Variants in WDR7 observed in about 807,000 individuals in gnomAD.
The protein encoded by WDR7 is WD repeat domain 7, also known as WD repeat-containing protein 7.
Under a neutral mutation model 169.4 loss-of-function variants are expected in WDR7, and 46 were observed. That is an observed-to-expected ratio of 0.27 (90% CI 0.21 to 0.35). The LOEUF is 0.35. WDR7 is among the 10% of genes least tolerant of loss of function. The pLI, the probability that WDR7 is intolerant of heterozygous loss-of-function variation, is 1.00. For synonymous variants in WDR7, 612 were observed against 666.8 expected, an observed-to-expected ratio of 0.92 and a Z score of 1.27; for missense variants, 1,534 against 1,859.3, an observed-to-expected ratio of 0.83 and a Z score of 3.22.
chr18:56,967,557 T>C (rs185864743), intron 26 of WDR7, among the ~76,000 whole-genome samples: 58 of 152,046 alleles, frequency 3.8e-4, no homozygotes, highest in African/African-American at 1.3e-3. Context: ...CCTCTATCAA[T>C]ATTTGCCTTT....
chr18:56,862,226 G>T (rs978132291), intron 20 of WDR7, among the ~76,000 whole-genome samples: 8 of 151,734 alleles, frequency 5.3e-5, no homozygotes, highest in Non-Finnish European at 1.2e-4. Flanking sequence ...TTAATGTGAA[G>T]ATTTTGATCT....
chr18:56,813,351 G>C (rs1484742747), intron 19 of WDR7, among the ~76,000 whole-genome samples: 1 of 152,060 alleles, frequency 6.6e-6, no homozygotes, highest in Non-Finnish European at 1.5e-5. Context: ...CCATATTCCT[G>C]ATCATAGGGC....
In WDR7 at chr18:57,027,431, A is replaced by G. The variant is rs997679152; in HGVS notation, c.*224A>G. The G allele has an allele frequency of 3.2e-5, 18 of 559,970 alleles. No individual in the cohort carries two copies. The highest frequency in any genetic ancestry group is 5.6e-5 in the Non-Finnish European group (18 of 324,244). 34.7% of individuals were successfully genotyped at this position (559,970 alleles called of 1,614,324 possible). A position where few individuals can be genotyped will look rare whatever the true frequency, so the allele number is the denominator to read the frequency against. ...CACACATGCTCTGCAGGATGTGGCCATCCTGTCACCAGGTAGTTTTTCCCT... is the reference window on the plus strand; with the variant it reads ...CACACATGCTCTGCAGGATGTGGCCGTCCTGTCACCAGGTAGTTTTTCCCT... On this transcript the variant is annotated 3_prime_UTR_variant, in exon 28 of 28. Transcript: ENST00000254442.
chr18:56,693,818 C>T (rs191205552), intron 9 of WDR7, among the ~76,000 whole-genome samples: 9 of 151,934 alleles, frequency 5.9e-5, no homozygotes, highest in East Asian at 1.9e-4. Context: ...GTGATCTGCC[C>T]GCTGCAGCCT....
chr18:56,692,938 C>T (rs376610516), intron 9 of WDR7, among the ~76,000 whole-genome samples: 5 of 152,074 alleles, frequency 3.3e-5, no homozygotes, highest in African/African-American at 4.8e-5. Context: ...TGGTGGTACA[C>T]GCCTGTAGTC....
At chr18:56,850,116 C>T (rs573252909) in intron 20 of WDR7, among the ~76,000 whole-genome samples, 1 of 152,336 alleles carries the variant, frequency 6.6e-6, no homozygotes, top group South Asian at 2.1e-4. Context: ...ATGATTGAGT[C>T]TGAGCTCAGG....
intron 14 of WDR7, among the ~76,000 whole-genome samples, chr18:56,749,619 A>T (rs1218588194): frequency 6.6e-6 from 1 of 152,088 alleles, no homozygotes; most frequent in African/African-American, 2.4e-5. Context: ...GATTGGACTC[A>T]GTGCTCATTC....
At chr18:56,731,232 T>A in intron 13 of WDR7, 151 bp from the exon 14 acceptor site, 1 of 731,868 alleles carries the variant, frequency 1.4e-6, no homozygotes, top group Non-Finnish European at 2.2e-6. Context: ...CATGGAAGAT[T>A]GTTAGAGGAA....
intron 26 of WDR7, among the ~76,000 whole-genome samples, chr18:56,988,682 T>G (rs1024790716): frequency 2.0e-5 from 3 of 147,120 alleles, no homozygotes; most frequent in South Asian, 2.3e-4. Flanking sequence ...CCTACTCCAA[T>G]AAAAAAAATT....
chr18:56,879,979 T>A lies in WDR7; in HGVS notation c.3340T>A (p.Ser1114Thr). The A allele has an allele frequency of 6.2e-7, 1 of 1,614,046 alleles. No homozygotes were observed. Among genetic ancestry groups the A allele is most frequent in the Non-Finnish European group, 8.5e-7 (1 of 1,179,944 alleles). ...AAGTGTCCCACAAATGAAAAAAATTTCTACATCTTACGAGGAAAGACGGAA... is the reference window on the plus strand; with the variant it reads ...AAGTGTCCCACAAATGAAAAAAATTACTACATCTTACGAGGAAAGACGGAA... Reference protein sequence around the residue: ...LSSVPQMKKISTSYEERRKQA... With the variant: ...LSSVPQMKKITTSYEERRKQA... Residue 1114 changes from serine (S) to threonine (T), a missense_variant, in exon 21 of 28, where the codon TCT (serine) becomes ACT (threonine). By Grantham distance (58) the Ser-to-Thr change is moderately conservative (BLOSUM62 1). Transcript: ENST00000254442.
At chr18:56,997,263 A>G (rs2047911238) in intron 26 of WDR7, among the ~76,000 whole-genome samples, 1 of 152,206 alleles carries the variant, frequency 6.6e-6, no homozygotes. Flanking sequence ...ATCTCACAGT[A>G]GTGGCAGATA....
chr18:57,027,254 CA>C lies in WDR7; in HGVS notation c.*49del. 1 of 1,550,446 alleles carries C rather than the reference CA, an allele frequency of 6.4e-7. No homozygotes were observed. Among genetic ancestry groups the C allele is most frequent in the Non-Finnish European group, 8.7e-7 (1 of 1,150,538 alleles). ...CTGCGTTTTAGTTCTCTAAATTATCCAAGCCGATGTTGCTCTGTCCTTCCTC... is the reference window on the plus strand; with the variant it reads ...CTGCGTTTTAGTTCTCTAAATTATCCAGCCGATGTTGCTCTGTCCTTCCTC... On this transcript the variant is annotated 3_prime_UTR_variant, in exon 28 of 28. Transcript: ENST00000254442.
At chr18:56,715,752 G>A (rs944549543) in intron 12 of WDR7, among the ~76,000 whole-genome samples, 3 of 152,120 alleles carry the variant, frequency 2.0e-5, no homozygotes, top group African/African-American at 7.2e-5. Context: ...AGATTAAAAG[G>A]AATACTGTTT....
intron 25 of WDR7, among the ~76,000 whole-genome samples, chr18:56,951,347 C>T (rs1216102680): frequency 6.6e-6 from 1 of 152,146 alleles, no homozygotes; most frequent in East Asian, 1.9e-4. Flanking sequence ...AAAGAGCCTG[C>T]TCCTAGAACA....
At chr18:56,771,303 G>T (rs1001771718) in intron 16 of WDR7, among the ~76,000 whole-genome samples, 10 of 152,032 alleles carry the variant, frequency 6.6e-5, no homozygotes, top group Non-Finnish European at 1.2e-4. Context: ...TGTAACGTTT[G>T]GACTAACTTT....
intron 20 of WDR7, among the ~76,000 whole-genome samples, chr18:56,835,547 G>C: frequency 6.6e-6 from 1 of 152,152 alleles, no homozygotes; most frequent in Non-Finnish European, 1.5e-5. Flanking sequence ...TTATTGCCTG[G>C]ATTATTGTTG....
chr18:56,964,564 T>C (rs1282658975), intron 26 of WDR7, among the ~76,000 whole-genome samples: 5 of 152,020 alleles, frequency 3.3e-5, no homozygotes, highest in Non-Finnish European at 2.9e-5. Context: ...TTTTTTGTAT[T>C]TTTAGTAGAG....
intron 26 of WDR7, among the ~76,000 whole-genome samples, chr18:56,984,160 C>A (rs2047682542): frequency 6.6e-6 from 1 of 152,094 alleles, no homozygotes; most frequent in Non-Finnish European, 1.5e-5. Context: ...CTTCATGTTT[C>A]ATGAAAGATG....
At chr18:56,667,938 C>T in intron 1 of WDR7, among the ~76,000 whole-genome samples, 1 of 152,100 alleles carries the variant, frequency 6.6e-6, no homozygotes, top group Non-Finnish European at 1.5e-5. Flanking sequence ...AACCAGGGAG[C>T]TTGAAAGAGT....
Sources: allele counts gnomAD v4.1 joint callset (sites outside exome capture counted in the v4.1 genomes callset), GRCh38; gene constraint gnomAD v4.1.1; transcripts MANE v1.5; gene names NCBI Gene and HGNC (gene_info 2026-07-23, HGNC 2026-07-21).